Variants in PTPRD observed in about 807,000 individuals in gnomAD.
PTPRD encodes the protein protein tyrosine phosphatase receptor type D.
Under a neutral mutation model 214.5 loss-of-function variants are expected in PTPRD, and 34 were observed. The ratio of observed to expected loss-of-function variants is 0.16; its 90% CI spans 0.12 to 0.21. The LOEUF (loss-of-function observed/expected upper bound fraction) is 0.21. PTPRD is among the 10% of genes least tolerant of loss of function. The pLI, the probability that PTPRD is intolerant of heterozygous loss-of-function variation, is 1.00. For synonymous variants in PTPRD, 1,128 were observed against 845.7 expected (o/e 1.33, Z -5.79); for missense variants, 2,545 against 2,398.7 (o/e 1.06, Z -1.27).
chr9:10,496,864 T>C (rs1410002014), intron 2 of PTPRD, among the ~76,000 whole-genome samples: 2 of 152,056 alleles, frequency 1.3e-5, no homozygotes, highest in Non-Finnish European at 2.9e-5. Context: ...TAGACCTTTG[T>C]CAGATGCATA....
intron 9 of PTPRD, among the ~76,000 whole-genome samples, chr9:9,223,809 T>C (rs4357351): frequency 0.28 from 42,051 of 151,812 alleles, 6,001 homozygotes; most frequent in East Asian, 0.34. Context: ...AAATGATATG[T>C]CTCTGGTGAA....
chr9:8,537,934 G>A (rs1379213750), intron 14 of PTPRD, among the ~76,000 whole-genome samples: 1 of 151,934 alleles, frequency 6.6e-6, no homozygotes, highest in Non-Finnish European at 1.5e-5. Flanking sequence ...TGTTATTAGT[G>A]CTCGGCCTGA....
At chr9:9,746,480 A>G (rs2098459323) in intron 6 of PTPRD, among the ~76,000 whole-genome samples, 1 of 152,206 alleles carries the variant, frequency 6.6e-6, no homozygotes. Context: ...ATCAGACCAC[A>G]TGGCATCTGA....
At chr9:10,497,146 A>G (rs1307461811) in intron 2 of PTPRD, among the ~76,000 whole-genome samples, 3 of 151,896 alleles carry the variant, frequency 2.0e-5, no homozygotes, top group Non-Finnish European at 4.4e-5. Context: ...GCAGGCTAAT[A>G]GAGGGTGGAG....
chr9:10,597,769 T>C (rs2076955158), intron 2 of PTPRD, among the ~76,000 whole-genome samples: 1 of 151,832 alleles, frequency 6.6e-6, no homozygotes, highest in East Asian at 1.9e-4. Context: ...TTAAAGTATT[T>C]ACTGTTGCAT....
At chr9:9,411,042 T>C (rs1348623343) in intron 8 of PTPRD, among the ~76,000 whole-genome samples, 1 of 130,064 alleles carries the variant, frequency 7.7e-6, no homozygotes, top group African/African-American at 3.2e-5. Flanking sequence ...AAAACCTCTT[T>C]GTGTGTGTGT....
At chr9:10,098,348 T>TG (rs2098514718) in intron 3 of PTPRD, among the ~76,000 whole-genome samples, 1 of 100,552 alleles carries the variant, frequency 9.9e-6, no homozygotes, top group Non-Finnish European at 2.0e-5. Flanking sequence ...GGTTGTGGGG[T>TG]TGGGGGAGGG....
In PTPRD at chr9:9,076,174, T is replaced by A. The variant is rs900896061; in HGVS notation, c.-142-57439A>T. On this transcript the variant is annotated intron_variant, in intron 10 of 45. Transcript: ENST00000381196. ...CTCTGATGTCCAGTGATGATGAGCA[T>A]TTTTTCATGTGTCTGTTGGCTGCAT... is the stretch of plus-strand genomic sequence containing the variant. Among the ~76,000 whole-genome samples the A allele has an allele frequency of 3.8e-4, 58 of 152,188 alleles. 1 individual carries two copies. Among genetic ancestry groups the A allele is most frequent in the Non-Finnish European group, 6.2e-4 (42 of 68,036 alleles).
intron 9 of PTPRD, among the ~76,000 whole-genome samples, chr9:9,270,824 G>A (rs1009085596): frequency 2.6e-5 from 4 of 151,310 alleles, no homozygotes; most frequent in African/African-American, 9.7e-5. Context: ...AAGTTAACAG[G>A]ATTCACACAC....
intron 5 of PTPRD, among the ~76,000 whole-genome samples, chr9:9,842,812 G>A (rs925387994): frequency 1.3e-5 from 2 of 151,828 alleles, no homozygotes; most frequent in African/African-American, 2.4e-5. Flanking sequence ...GTCTTTTTAC[G>A]TATTTTATTT....
In PTPRD at chr9:8,340,459, C is replaced by T. The variant is rs1485033877; in HGVS notation, c.5137G>A (p.Ala1713Thr). 1.3e-6 allele frequency: 2 copies of T among 1,593,772 alleles called. No homozygotes were observed. Among genetic ancestry groups the T allele is most frequent in the African/African-American group, 1.3e-5 (1 of 74,770 alleles). The stretch of plus-strand genomic sequence containing the variant: ...AAGGGCCCCTGGGTAGCGATGTAGG[C>T]TTTCTGTTGTCTGAATTACAGAGAA... ...SFIDGYRQQK[A>T]YIATQGPLAE... is the part of the protein sequence containing the mutation. The change falls in exon 42 of 46, where the codon GCC (alanine) becomes ACC (threonine). Residue 1713 changes from alanine (A) to threonine (T), a missense_variant. By Grantham distance (58) the Ala-to-Thr change is moderately conservative (BLOSUM62 0). Transcript: ENST00000381196.
At chr9:10,433,488 A>C (rs180736690) in intron 2 of PTPRD, among the ~76,000 whole-genome samples, 230 of 152,042 alleles carry the variant, frequency 1.5e-3, no homozygotes, top group South Asian at 2.1e-3. Flanking sequence ...TGCTCTTTGC[A>C]TTTCAGTTAC....
At chr9:8,474,493 C>T (rs958295208) in intron 30 of PTPRD, among the ~76,000 whole-genome samples, 1 of 152,164 alleles carries the variant, frequency 6.6e-6, no homozygotes, top group Non-Finnish European at 1.5e-5. Context: ...TGCCAGAATC[C>T]AGGGAGCTGA....
At chr9:8,348,215 T>G (rs1014657122) in intron 39 of PTPRD, among the ~76,000 whole-genome samples, 1 of 152,180 alleles carries the variant, frequency 6.6e-6, no homozygotes, top group Non-Finnish European at 1.5e-5. Context: ...CAGCATTTAT[T>G]TAGAATAATT....
At chr9:9,618,164 C>T (rs2095018084) in intron 7 of PTPRD, among the ~76,000 whole-genome samples, 1 of 144,248 alleles carries the variant, frequency 6.9e-6, no homozygotes, top group South Asian at 2.2e-4. Context: ...GTGGGGTATT[C>T]CTTAATACAT....
At chr9:8,761,826 A>G (rs567968896) in intron 11 of PTPRD, among the ~76,000 whole-genome samples, 1 of 152,318 alleles carries the variant, frequency 6.6e-6, no homozygotes, top group South Asian at 2.1e-4. Context: ...CAGTAGTGGA[A>G]GAAGGAAGAT....
chr9:9,036,861 G>A (rs1262876618), intron 10 of PTPRD, among the ~76,000 whole-genome samples: 1 of 152,038 alleles, frequency 6.6e-6, no homozygotes, highest in African/African-American at 2.4e-5. Context: ...GTTTTGACAG[G>A]AACAAAGCAA....
At chr9:9,915,882 T>A (rs534592797) in intron 5 of PTPRD, among the ~76,000 whole-genome samples, 1 of 152,156 alleles carries the variant, frequency 6.6e-6, no homozygotes, top group African/African-American at 2.4e-5. Context: ...AACTTCAGAT[T>A]GATTCAGCCC....
chr9:9,887,925 A>G (rs536919156), intron 5 of PTPRD, among the ~76,000 whole-genome samples: 2 of 152,266 alleles, frequency 1.3e-5, no homozygotes, highest in Non-Finnish European at 2.9e-5. Flanking sequence ...TAATGGAGGG[A>G]GATAATACAC....
Sources: allele counts gnomAD v4.1 joint callset (sites outside exome capture counted in the v4.1 genomes callset), GRCh38; gene constraint gnomAD v4.1.1; transcripts MANE v1.5; gene names NCBI Gene and HGNC (gene_info 2026-07-23, HGNC 2026-07-21).